Variants in NISCH observed in about 807,000 individuals in gnomAD.
The protein encoded by NISCH is nischarin, also known as I-1 receptor candidate protein.
Under a neutral mutation model 138.4 loss-of-function variants are expected in NISCH, and 55 were observed. The ratio of observed to expected loss-of-function variants is 0.40; its 90% CI spans 0.32 to 0.50. NISCH has a LOEUF of 0.50. Among genes scored for constraint, NISCH ranks in the 20% least tolerant of loss-of-function variants. The pLI, the probability that NISCH is intolerant of heterozygous loss-of-function variation, is 0.71. For synonymous variants in NISCH, 860 were observed against 861.5 expected (o/e 1.00, Z 0.03); for missense variants, 1,643 against 2,005.5 (o/e 0.82, Z 3.45).
At chr3:52,483,110 G>C (rs1001300410) in intron 13 of NISCH, among the ~76,000 whole-genome samples, 7 of 152,222 alleles carry the variant, frequency 4.6e-5, no homozygotes, top group Non-Finnish European at 8.8e-5. Context: ...CAGGTGCCCA[G>C]CGTGGCCCAT....
At chr3:52,472,036 G>A (rs551743958) in intron 5 of NISCH, 59 bp downstream of exon 5, 46 of 1,507,014 alleles carry the variant, frequency 3.1e-5, no homozygotes, top group Non-Finnish European at 4.1e-5. Context: ...TGCAACCTGC[G>A]GGGGACTGGC....
chr3:52,473,581 A>G (rs986892844), intron 6 of NISCH, among the ~76,000 whole-genome samples, 153 bp from the exon 7 acceptor site: 8 of 152,286 alleles, frequency 5.3e-5, no homozygotes, highest in Admixed American at 4.6e-4. Flanking sequence ...ACACTGGGAA[A>G]AAGAGACACT....
At chr3:52,481,715 T>G (rs1208664374) in intron 13 of NISCH, 1 of 985,438 alleles carries the variant, frequency 1.0e-6, no homozygotes, top group Admixed American at 6.1e-5. Context: ...GGATGCACCA[T>G]GTCCCCAGGC....
In NISCH at chr3:52,488,361, C is replaced by T. The variant is rs141525236; in HGVS notation, c.2869C>T (p.Arg957Cys). The T allele has an allele frequency of 1.7e-5, 27 of 1,613,604 alleles. No homozygotes were observed. The highest frequency in any genetic ancestry group is 8.0e-5 in the African/African-American group (6 of 74,948). Residue 957 changes from arginine to cysteine, a missense_variant, in exon 16 of 21, where the codon CGC becomes TGC. Coordinates refer to ENST00000345716, the MANE Select transcript of NISCH (RefSeq NM_007184.4). ...CTCCACCGTGCTGCTGGACCCCACA[C>T]GCAGCTGTACCCAGCCTCGGGGCGC... is the stretch of plus-strand genomic sequence containing the variant. ...PLSTVLLDPTRSCTQPRGAFA... is the reference protein window; with the variant it reads ...PLSTVLLDPTCSCTQPRGAFA...
rs374762812 is a variant in NISCH at position 52,472,017 on chromosome 3, C to T, written c.573+40C>T. The T allele has an allele frequency of 6.2e-5, 96 of 1,536,814 alleles. No homozygotes were observed. In the African/African-American group the frequency reaches 1.1e-3, roughly 18 times the overall value. On this transcript the variant is annotated intron_variant, in intron 5 of 20. Transcript: ENST00000345716. ...GCTCAGTCATGGAGAGCCCCGCAGT[C>T]GGTGGGGGTGCAACCTGCGGGGGAC... is the stretch of plus-strand genomic sequence containing the variant.
rs1252228991 is a variant in NISCH, at chr3:52,487,306, G to T, written c.1814G>T (p.Arg605Leu). ...YTATNQDFIQ[R>L]LSTLIRQAIE... ...GCCACCAATCAGGACTTCATCCAGC[G>T]CCTGAGCACACTGATCCGGCAGGCC... Residue 605 changes from arginine to leucine, a missense_variant, in exon 16 of 21, where the codon CGC becomes CTC. Arg to Leu is a moderately radical substitution (Grantham distance 102). Coordinates refer to ENST00000345716, the MANE Select transcript of NISCH (RefSeq NM_007184.4). This position sits in a 1 kb window ranked among gnomAD's most constrained non-coding sequence, Gnocchi z 9.1. 2.5e-6 allele frequency: 4 copies of T among 1,614,032 alleles called. No homozygotes were observed. Among genetic ancestry groups the T allele is most frequent in the Non-Finnish European group, 3.4e-6 (4 of 1,180,052 alleles).
Position 52,487,501 on chromosome 3 carries a change from A to AG in NISCH, c.2014dup (p.Glu672GlyfsTer10), listed in dbSNP as rs1397088677. On this transcript the variant is annotated frameshift_variant, in exon 16 of 21. Coordinates refer to ENST00000345716, the MANE Select transcript of NISCH (RefSeq NM_007184.4). LOFTEE classifies it high-confidence loss of function. This position sits in a 1 kb window ranked among gnomAD's most constrained non-coding sequence, Gnocchi z 9.1. Reference sequence around the variant, plus strand: ...GTGGAGGAGGAGGAGGGAGGAGGCCAGGGGGAGGAAGAGGAGGAGGAAGAG... The same window carrying AG: ...GTGGAGGAGGAGGAGGGAGGAGGCCAGGGGGGAGGAAGAGGAGGAGGAAGAG... The AG allele has an allele frequency of 6.2e-7, 1 of 1,602,840 alleles. No individual in the cohort carries two copies. Among genetic ancestry groups the AG allele is most frequent in the Admixed American group, 1.7e-5 (1 of 59,472 alleles).
Position 52,488,598 on chromosome 3 carries a change from A to G in NISCH, c.3106A>G (p.Arg1036Gly). Reference protein sequence around the residue: ...SFADGQPAERRASNDQRPQEV... With the variant: ...SFADGQPAERGASNDQRPQEV... Reference sequence around the variant, plus strand: ...TGCGGATGGCCAGCCTGCCGAGCGCAGGGCCAGGTGAGATCAAGCACAGCT... The same window carrying G: ...TGCGGATGGCCAGCCTGCCGAGCGCGGGGCCAGGTGAGATCAAGCACAGCT... The change falls in exon 16 of 21, where the codon AGG becomes GGG. Residue 1036 changes from arginine to glycine, a missense_variant. Arg to Gly is a moderately radical substitution (Grantham distance 125). Coordinates refer to ENST00000345716, the MANE Select transcript of NISCH (RefSeq NM_007184.4). 6.2e-7 allele frequency: 1 copy of G among 1,609,500 alleles called. No individual in the cohort carries two copies. Among genetic ancestry groups the G allele is most frequent in the Non-Finnish European group, 8.5e-7 (1 of 1,178,140 alleles).
chr3:52,484,462 T>TTGGGGGGCCCCC, intron 13 of NISCH, 51 bp from the exon 14 acceptor site: 1 of 788,670 alleles, frequency 1.3e-6, no homozygotes, highest in Non-Finnish European at 1.8e-6. Flanking sequence ...ACAGCCGCTC[T>TTGGGGGGCCCCC]CCCCGCCCCA....
At chr3:52,470,061 G>GT (rs1201270315) in intron 3 of NISCH, among the ~76,000 whole-genome samples, 2 of 150,028 alleles carry the variant, frequency 1.3e-5, no homozygotes, top group Non-Finnish European at 3.0e-5. Context: ...TCCAGCCTGA[G>GT]TGACAGAGCA....
At chr3:52,481,178 C>A in intron 13 of NISCH, 2 of 1,196,530 alleles carry the variant, frequency 1.7e-6, no homozygotes, top group Non-Finnish European at 2.1e-6. Context: ...AAATGCTCAC[C>A]ACTGCCAAAA....
chr3:52,490,288 T>TG (rs1440611287), intron 18 of NISCH, 57 bp downstream of exon 18: 57 of 1,581,590 alleles, frequency 3.6e-5, no homozygotes, highest in East Asian at 2.2e-5. Flanking sequence ...GGGGCAGGCC[T>TG]GGGGGGTCAT....
chr3:52,492,220 G>T lies in NISCH; in HGVS notation c.4253G>T (p.Arg1418Leu). The stretch of plus-strand genomic sequence containing the variant: ...GGCCGCCGCGTCCGGGACCTGGACC[G>T]AGTGCTCATGGGCTACCAGACCTAC... ...DDGRRVRDLD[R>L]VLMGYQTYPQ... Residue 1418 changes from arginine (R) to leucine (L), a missense_variant, in exon 21 of 21, where the codon CGA (arginine) becomes CTA (leucine). Arg to Leu is a moderately radical substitution (Grantham distance 102). Transcript: ENST00000345716. The T allele has an allele frequency of 6.2e-7, 1 of 1,613,146 alleles. No homozygotes were observed. Among genetic ancestry groups the T allele is most frequent in the Non-Finnish European group, 8.5e-7 (1 of 1,180,038 alleles).
At position 52,491,993 on chromosome 3, in the gene NISCH, C is replaced by T; in HGVS notation, c.4026C>T (p.Ala1342=). ...AAAAGATGGCTGAGCCAGAGAAGGC[C>T]CCAGCCCTCAGCATCCTGCTGTACG... is the stretch of plus-strand genomic sequence containing the variant. The part of the protein sequence containing the change: ...VAQKMAEPEK[A]PALSILLYVQ... The change falls in exon 21 of 21, where the codon GCC becomes GCT. Residue 1342 remains alanine (A), a synonymous_variant. Coordinates refer to ENST00000345716, the MANE Select transcript of NISCH (RefSeq NM_007184.4). 4 of 1,613,478 alleles carry T rather than the reference C, an allele frequency of 2.5e-6. No homozygotes were observed. The highest frequency in any genetic ancestry group is 3.4e-6 in the Non-Finnish European group (4 of 1,180,026).
chr3:52,476,657 G>A, intron 8 of NISCH, 58 bp downstream of exon 8: 1 of 1,565,310 alleles, frequency 6.4e-7, no homozygotes, highest in Non-Finnish European at 8.8e-7. Context: ...CCCTGAGTTT[G>A]AGTATTTAAC....
chr3:52,470,750 T>C, intron 3 of NISCH, 109 bp from the exon 4 acceptor site: 1 of 905,126 alleles, frequency 1.1e-6, no homozygotes, highest in Non-Finnish European at 1.9e-6. Flanking sequence ...TAGTTTAACT[T>C]CCTAGAGAGA....
intron 8 of NISCH, 50 bp downstream of exon 8, chr3:52,476,649 C>T: frequency 1.9e-6 from 3 of 1,597,586 alleles, no homozygotes; most frequent in Non-Finnish European, 2.6e-6. Flanking sequence ...CCACCAAACC[C>T]TGAGTTTGAG....
intron 11 of NISCH, among the ~76,000 whole-genome samples, chr3:52,479,527 C>T (rs1434036914): frequency 2.6e-5 from 4 of 152,190 alleles, no homozygotes; most frequent in Non-Finnish European, 5.9e-5. Context: ...CAGGTCACTT[C>T]CATGAGTAGT....
At chr3:52,477,047 A>G (rs1159180861) in intron 8 of NISCH, among the ~76,000 whole-genome samples, 1 of 152,242 alleles carries the variant, frequency 6.6e-6, no homozygotes, top group Non-Finnish European at 1.5e-5. Context: ...AAGAAGAAAA[A>G]AAAATGGGAT....
Sources: gnomAD v4.1 joint callset for allele counts (sites outside exome capture counted in the v4.1 genomes callset) on GRCh38, gnomAD v4.1.1 for gene constraint, Gnocchi (gnomAD v3.1) non-coding constraint, MANE v1.5 for transcripts, NCBI Gene and HGNC (gene_info 2026-07-23, HGNC 2026-07-21) for gene names.